The following BRCA1 variants were observed in gnomAD, a reference collection of about 807,000 sequenced individuals.
BRCA1 encodes BRCA1 DNA repair associated.
BRCA1 carries 140 observed loss-of-function variants against 173.7 expected under a neutral mutation model. The observed-to-expected ratio is 0.81, with a 90% confidence interval of 0.70 to 0.93. The LOEUF is 0.93. Among genes scored for constraint, BRCA1 ranks in the 40% least tolerant of loss-of-function variants. The pLI is 0.00. For missense variants in BRCA1, 1,983 were observed against 2,172.5 expected, an observed-to-expected ratio of 0.91 and a Z score of 1.73; for synonymous variants, 662 against 756.0, an observed-to-expected ratio of 0.88 and a Z score of 2.04.
intron 18 of BRCA1, among the ~76,000 whole-genome samples, chr17:43,061,320 T>C (rs1435689218): frequency 1.3e-5 from 2 of 152,154 alleles, no homozygotes; most frequent in Admixed American, 1.3e-4. Flanking sequence ...TCAACAACCT[T>C]TGACAGCTAA....
At chr17:43,133,669 C>T (rs1220280268) in intron 1 of BRCA1, among the ~76,000 whole-genome samples, 2 of 147,176 alleles carry the variant, frequency 1.4e-5, no homozygotes, top group South Asian at 2.1e-4. Flanking sequence ...GGATCTCACT[C>T]TGTTACCCAG....
intron 1 of BRCA1, among the ~76,000 whole-genome samples, chr17:43,155,233 A>C (rs1386831184): frequency 6.6e-6 from 1 of 151,280 alleles, no homozygotes; most frequent in African/African-American, 2.4e-5. Flanking sequence ...GCAGTGGCAC[A>C]ATCTCAGCTC....
intron 19 of BRCA1, among the ~76,000 whole-genome samples, chr17:43,051,881 TGTC>T (rs777922080): frequency 6.6e-6 from 1 of 152,168 alleles, no homozygotes; most frequent in Non-Finnish European, 1.5e-5. Flanking sequence ...GTGATCTGCC[TGTC>T]TTGGCCTTCC....
rs761424661 is a variant in BRCA1, at chr17:43,091,556, C to T, written c.3975G>A (p.Arg1325=). The T allele has an allele frequency of 2.5e-6, 4 of 1,614,182 alleles. No individual in the cohort carries two copies. Among genetic ancestry groups the T allele is most frequent in the East Asian group, 4.5e-5 (2 of 44,872 alleles). The change falls in exon 10 of 23, where the codon AGG becomes AGA. Residue 1325 remains arginine, a synonymous_variant. Coordinates refer to ENST00000357654, the MANE Select transcript of BRCA1 (RefSeq NM_007294.4). ...CAACTCCCTGGCTTTCAGACTGATG[C>T]CTCATTTGTTTGGAAGAACCAATCA... ...PFLIGSSKQM[R]HQSESQGVGL... is the part of the protein sequence containing the mutation.
At chr17:43,107,231 AT>A (rs2054834180) in intron 3 of BRCA1, among the ~76,000 whole-genome samples, 1 of 150,996 alleles carries the variant, frequency 6.6e-6, no homozygotes, top group Admixed American at 6.6e-5. Flanking sequence ...TGCCCGGCTA[AT>A]TTTTTTATTT....
chr17:43,128,136 A>G (rs1597929026), upstream of BRCA1, among the ~76,000 whole-genome samples: 3 of 151,730 alleles, frequency 2.0e-5, no homozygotes, highest in South Asian at 6.2e-4. Flanking sequence ...TTTGCAATAA[A>G]TCTTGCTGCT....
intron 1 of BRCA1, among the ~76,000 whole-genome samples, chr17:43,149,939 C>T (rs35929964): frequency 1.3e-5 from 2 of 152,030 alleles, no homozygotes; most frequent in Admixed American, 6.5e-5. Flanking sequence ...CAGGAACCCA[C>T]CACCGTGCCT....
chr17:43,145,236 A>T, intron 1 of BRCA1: 1 of 695,816 alleles, frequency 1.4e-6, no homozygotes, highest in Admixed American at 1.8e-5. Context: ...GAAGCAGGAG[A>T]TAAAGAAGCC....
intron 1 of BRCA1, chr17:43,161,594 CA>C (rs1287520467): frequency 6.6e-6 from 1 of 152,164 alleles, no homozygotes; most frequent in Non-Finnish European, 1.5e-5. Flanking sequence ...AAACGGTCTG[CA>C]ACTTTGGAAA....
chr17:43,094,957 G>T, intron 9 of BRCA1, 97 bp from the exon 10 acceptor site: 2 of 1,137,464 alleles, frequency 1.8e-6, no homozygotes, highest in Non-Finnish European at 2.5e-6. Context: ...CAACCAACTG[G>T]CTATATTAGA....
chr17:43,051,005 C>T, intron 20 of BRCA1, 58 bp downstream of exon 20: 3 of 1,528,220 alleles, frequency 2.0e-6, no homozygotes, highest in East Asian at 2.3e-5. Context: ...GCTTATAATA[C>T]TCCACTATGT....
rs1484586324 is a variant in BRCA1, at chr17:43,122,882, T to TA, written c.80+1134dup. ...TAACACGGTGAAATCCCGCCTCTAC[T>TA]AAAAAAGAAAAAAAAATACAAAAAA... On this transcript the variant is annotated intron_variant, in intron 2 of 22. Transcript: ENST00000357654. 8.6e-3 allele frequency among the ~76,000 whole-genome samples: 1,250 copies of TA among 145,270 alleles called. 20 individuals are homozygous for TA. Among genetic ancestry groups the TA allele is most frequent in the African/African-American group, 0.029 (1,115 of 38,190 alleles).
intron 1 of BRCA1, among the ~76,000 whole-genome samples, chr17:43,143,645 C>CT: frequency 6.6e-6 from 1 of 151,778 alleles, no homozygotes; most frequent in East Asian, 1.9e-4. Flanking sequence ...TTATTAGTGA[C>CT]TTTTTTTTTG....
chr17:43,060,249 T>C (rs1042318061), intron 18 of BRCA1, among the ~76,000 whole-genome samples: 3 of 152,058 alleles, frequency 2.0e-5, no homozygotes, highest in Admixed American at 1.3e-4. Context: ...AATTTTTGTA[T>C]TTTTAGTAGA....
At chr17:43,109,476 T>C (rs1188038242) in intron 3 of BRCA1, among the ~76,000 whole-genome samples, 1 of 152,180 alleles carries the variant, frequency 6.6e-6, no homozygotes, top group Admixed American at 6.6e-5. Flanking sequence ...AGAAAGTGAA[T>C]GTAGGTAGGT....
rs578250989 is a variant in BRCA1, at chr17:43,104,071, A to G, written c.441+51T>C. The G allele has an allele frequency of 2.4e-5, 34 of 1,439,172 alleles. No homozygotes were observed. The highest frequency in any genetic ancestry group is 2.0e-4 in the East Asian group (8 of 40,304). The allele number at this position is 1,439,172 out of a possible 1,614,324, so 89.2% of individuals were successfully genotyped here. ...AGACTCCATCTCAAAAAAAAAAAAG[A>G]AAAAAAAAAGAAAAGAAGAAGAAGA... On this transcript the variant is annotated intron_variant, in intron 6 of 22. Coordinates refer to ENST00000357654, the MANE Select transcript of BRCA1 (RefSeq NM_007294.4).
intron 1 of BRCA1, among the ~76,000 whole-genome samples, chr17:43,155,602 G>T (rs1439374809): frequency 6.6e-6 from 1 of 151,976 alleles, no homozygotes; most frequent in African/African-American, 2.4e-5. Context: ...GTGTGGTCTT[G>T]GCTCACTGCA....
chr17:43,048,224 A>ACGGAGT (rs2051021010), intron 21 of BRCA1, among the ~76,000 whole-genome samples: 1 of 151,310 alleles, frequency 6.6e-6, no homozygotes, highest in African/African-American at 2.4e-5. Flanking sequence ...TTTTTTTGAG[A>ACGGAGT]CGGAGTCTCG....
chr17:43,074,958 GGAAA>G (rs2052643203), intron 13 of BRCA1, among the ~76,000 whole-genome samples: 1 of 140,470 alleles, frequency 7.1e-6, no homozygotes, highest in African/African-American at 2.7e-5. Flanking sequence ...GAAAAGGAAA[GGAAA>G]GAAAGAAAAG....
Sources: gnomAD v4.1 joint callset for allele counts (sites outside exome capture counted in the v4.1 genomes callset) on GRCh38, gnomAD v4.1.1 for gene constraint, MANE v1.5 for transcripts, NCBI Gene and HGNC (gene_info 2026-07-23, HGNC 2026-07-21) for gene names.